Variants in VDAC1 observed in about 807,000 individuals in gnomAD.
The protein encoded by VDAC1 is voltage dependent anion channel 1.
In VDAC1, 10 loss-of-function variants were observed where a neutral mutation model predicts 34.7. That is an observed-to-expected ratio of 0.29 (90% confidence interval 0.18 to 0.49). The LOEUF (loss-of-function observed/expected upper bound fraction) is 0.49. VDAC1 is among the 20% of genes least tolerant of loss of function. VDAC1 has a pLI of 0.99. For synonymous variants in VDAC1, 130 were observed against 136.0 expected, an observed-to-expected ratio of 0.96 and a Z score of 0.30; for missense variants, 230 against 347.9, an observed-to-expected ratio of 0.66 and a Z score of 2.69.
intron 1 of VDAC1, among the ~76,000 whole-genome samples, chr5:134,003,405 G>T (rs1248757677): frequency 6.6e-6 from 1 of 152,208 alleles, no homozygotes; most frequent in Non-Finnish European, 1.5e-5. Context: ...ACCCCGGGCG[G>T]AACGGGCTCT....
At chr5:134,098,204 T>C in the VDAC1 span, among the ~76,000 whole-genome samples, 45 of 72,642 alleles carry the variant, frequency 6.2e-4, no homozygotes, top group Middle Eastern at 8.1e-3. Context: ...TTATTATTAT[T>C]ATTATTTTGA....
the VDAC1 span, among the ~76,000 whole-genome samples, chr5:134,096,657 G>A: frequency 1.3e-5 from 2 of 151,950 alleles, no homozygotes; most frequent in African/African-American, 4.8e-5. Flanking sequence ...CTAGGCTGGA[G>A]TGCAGTGGCG....
At chr5:134,075,099 A>G in the VDAC1 span, among the ~76,000 whole-genome samples, 1 of 152,210 alleles carries the variant, frequency 6.6e-6, no homozygotes, top group African/African-American at 2.4e-5. Context: ...CACAATTCAC[A>G]TGCTATTCAT....
chr5:133,993,888 T>C (rs1421379135), intron 1 of VDAC1, among the ~76,000 whole-genome samples: 1 of 152,112 alleles, frequency 6.6e-6, no homozygotes, highest in Non-Finnish European at 1.5e-5. Flanking sequence ...ATATGCTGTG[T>C]ACACAGGATT....
chr5:134,025,392 C>T, the VDAC1 span, among the ~76,000 whole-genome samples: 14 of 152,276 alleles, frequency 9.2e-5, no homozygotes, highest in Middle Eastern at 3.4e-3. Flanking sequence ...ACACCTCCCA[C>T]CAGGCCCCAC....
chr5:134,061,167 CTT>C, the VDAC1 span, among the ~76,000 whole-genome samples: 589 of 127,078 alleles, frequency 4.6e-3, 4 homozygotes, highest in African/African-American at 0.011. Flanking sequence ...ATCTAGCCTC[CTT>C]TTTTTTTTTT....
At chr5:134,086,151 G>A in the VDAC1 span, among the ~76,000 whole-genome samples, 1 of 152,292 alleles carries the variant, frequency 6.6e-6, no homozygotes, top group Admixed American at 6.5e-5. Flanking sequence ...AGCCAAGATT[G>A]TTCCACTGCA....
At chr5:134,066,293 T>G in the VDAC1 span, among the ~76,000 whole-genome samples, 1 of 152,138 alleles carries the variant, frequency 6.6e-6, no homozygotes, top group Non-Finnish European at 1.5e-5. Flanking sequence ...TGAGCCACCA[T>G]GCCCGGCCGA....
At chr5:134,009,333 G>A (rs1753798614), upstream of VDAC1, among the ~76,000 whole-genome samples, 1 of 132,004 alleles carries the variant, frequency 7.6e-6, no homozygotes, top group Non-Finnish European at 1.5e-5. Flanking sequence ...TTGGCTCACT[G>A]CAACCTCCGC....
chr5:133,992,159 C>G (rs1753126822), intron 3 of VDAC1, 147 bp downstream of exon 3: 1 of 450,666 alleles, frequency 2.2e-6, no homozygotes. Context: ...TCGCTTGAAC[C>G]CAAGAAGTGG....
At chr5:134,062,807 A>T in the VDAC1 span, among the ~76,000 whole-genome samples, 1 of 151,476 alleles carries the variant, frequency 6.6e-6, no homozygotes, top group Non-Finnish European at 1.5e-5. Flanking sequence ...TTGTTTTTTT[A>T]GTAGAAATGG....
chr5:133,973,887 A>G, intron 7 of VDAC1, 39 bp from the exon 8 acceptor site: 1 of 1,587,456 alleles, frequency 6.3e-7, no homozygotes, highest in Non-Finnish European at 8.6e-7. Flanking sequence ...AACATTAAGT[A>G]TAATACTTTG....
At chr5:134,082,734 T>C in the VDAC1 span, among the ~76,000 whole-genome samples, 3 of 152,242 alleles carry the variant, frequency 2.0e-5, no homozygotes, top group Non-Finnish European at 4.4e-5. Context: ...TCGGGTTTTC[T>C]TTTGTTTCAT....
intron 5 of VDAC1, among the ~76,000 whole-genome samples, chr5:133,981,395 TC>T (rs1395230150): frequency 6.6e-6 from 1 of 152,252 alleles, no homozygotes; most frequent in Non-Finnish European, 1.5e-5. Flanking sequence ...GAGACGGTTT[TC>T]TTCTTACTCT....
At chr5:134,067,133 T>C in the VDAC1 span, among the ~76,000 whole-genome samples, 13,249 of 150,952 alleles carry the variant, frequency 0.088, 689 homozygotes, top group South Asian at 0.15. Flanking sequence ...TGGAGTGCAA[T>C]GGCACAATTT....
At chr5:134,038,312 C>T in the VDAC1 span, among the ~76,000 whole-genome samples, 2 of 151,818 alleles carry the variant, frequency 1.3e-5, no homozygotes, top group East Asian at 3.9e-4. Context: ...GTGCCCCAGG[C>T]AAAGCAAACA....
chr5:134,066,338 G>T, the VDAC1 span, among the ~76,000 whole-genome samples: 1 of 152,142 alleles, frequency 6.6e-6, no homozygotes, highest in South Asian at 2.1e-4. Flanking sequence ...AGTCTCTGTT[G>T]TAACTATTCA....
chr5:134,031,714 G>T, the VDAC1 span, among the ~76,000 whole-genome samples: 1 of 152,142 alleles, frequency 6.6e-6, no homozygotes, highest in East Asian at 1.9e-4. Context: ...ACTTTGGGAG[G>T]CTGAGGCAGG....
the VDAC1 span, among the ~76,000 whole-genome samples, chr5:134,028,324 G>A: frequency 6.6e-6 from 1 of 150,852 alleles, no homozygotes; most frequent in Non-Finnish European, 1.5e-5. Flanking sequence ...GTAGGGACAG[G>A]GTTTCACCAT....
Sources: gnomAD v4.1 joint callset for allele counts (sites outside exome capture counted in the v4.1 genomes callset) on GRCh38, gnomAD v4.1.1 for gene constraint, MANE v1.5 for transcripts, NCBI Gene and HGNC (gene_info 2026-07-23, HGNC 2026-07-21) for gene names.